Variants in DNAH6 observed in about 807,000 individuals in gnomAD.
DNAH6 encodes the protein axonemal beta dynein heavy chain 6.
In DNAH6, 340 loss-of-function variants were observed where a neutral mutation model predicts 491.4. The ratio of observed to expected loss-of-function variants is 0.69; its 90% CI spans 0.63 to 0.76. The LOEUF is 0.76. Ranked by LOEUF, DNAH6 falls within the 30% of genes least tolerant of loss-of-function variation. The pLI, the probability that DNAH6 is intolerant of heterozygous loss-of-function variation, is 0.00. For synonymous variants in DNAH6, 1,603 were observed against 1,686.1 expected (o/e 0.95, Z 1.21); for missense variants, 4,443 against 4,972.2 (o/e 0.89, Z 3.20).
At chr2:84,470,400 C>A in the DNAH6 span, among the ~76,000 whole-genome samples, 40 of 152,232 alleles carry the variant, frequency 2.6e-4, no homozygotes, top group Non-Finnish European at 4.9e-4. Flanking sequence ...ACAGAGCAGC[C>A]CTGAGAGCTG....
At chr2:84,720,432 C>G (rs1205037118) in intron 59 of DNAH6, among the ~76,000 whole-genome samples, 2 of 151,008 alleles carry the variant, frequency 1.3e-5, no homozygotes, top group Non-Finnish European at 3.0e-5. Context: ...GCGCCCGCCA[C>G]TACGCCCGGC....
At chr2:84,495,464 CTT>C in the DNAH6 span, among the ~76,000 whole-genome samples, 1 of 152,312 alleles carries the variant, frequency 6.6e-6, no homozygotes, top group East Asian at 1.9e-4. Flanking sequence ...CGTCCAGCCT[CTT>C]TGACCTTTTC....
chr2:84,506,330 T>A, the DNAH6 span, among the ~76,000 whole-genome samples: 1 of 151,792 alleles, frequency 6.6e-6, no homozygotes, highest in Admixed American at 6.6e-5. Context: ...ATGGTGAGCA[T>A]TTTTTCGTGT....
chr2:84,555,241 G>A (rs928491818), intron 10 of DNAH6, among the ~76,000 whole-genome samples: 14 of 151,968 alleles, frequency 9.2e-5, no homozygotes, highest in African/African-American at 2.4e-4. Flanking sequence ...GTTACCTATC[G>A]TTTCCTAATA....
chr2:84,485,163 A>G, the DNAH6 span, among the ~76,000 whole-genome samples: 1 of 152,200 alleles, frequency 6.6e-6, no homozygotes, highest in Non-Finnish European at 1.5e-5. Context: ...TTTTAAAACA[A>G]TAATGTGTTG....
At chr2:84,671,112 A>G (rs1301705853) in intron 39 of DNAH6, among the ~76,000 whole-genome samples, 1 of 152,164 alleles carries the variant, frequency 6.6e-6, no homozygotes, top group African/African-American at 2.4e-5. Context: ...AGGCTGGAGT[A>G]TGCAGGGAAT....
chr2:84,537,093 A>C (rs951542523), intron 4 of DNAH6, among the ~76,000 whole-genome samples: 14 of 151,990 alleles, frequency 9.2e-5, no homozygotes, highest in Non-Finnish European at 1.6e-4. Context: ...GTGCTAGAGG[A>C]TTGTAGAATG....
At chr2:84,731,295 T>C (rs922357929) in intron 61 of DNAH6, among the ~76,000 whole-genome samples, 24 of 152,226 alleles carry the variant, frequency 1.6e-4, no homozygotes, top group African/African-American at 5.5e-4. Context: ...TTTCTCATCC[T>C]GCCCACAGCT....
At chr2:84,656,178 A>C (rs1690951648) in intron 35 of DNAH6, among the ~76,000 whole-genome samples, 1 of 152,114 alleles carries the variant, frequency 6.6e-6, no homozygotes, top group Admixed American at 6.6e-5. Context: ...GTATGAATGT[A>C]CCACAGTTCA....
intron 11 of DNAH6, among the ~76,000 whole-genome samples, chr2:84,563,271 G>A (rs1012878465): frequency 2.0e-5 from 3 of 152,102 alleles, no homozygotes; most frequent in East Asian, 1.9e-4. Flanking sequence ...TGGGTCAAAT[G>A]GTAGCTCTGT....
chr2:84,786,442 A>G (rs1204440), intron 67 of DNAH6, among the ~76,000 whole-genome samples: 36,514 of 149,022 alleles, frequency 0.25, 5,190 homozygotes, highest in African/African-American at 0.4. Flanking sequence ...AAAAAAAAAA[A>G]AAAGAAAAGA....
intron 70 of DNAH6, among the ~76,000 whole-genome samples, chr2:84,802,225 A>G (rs779412549): frequency 3.5e-4 from 54 of 152,228 alleles, no homozygotes; most frequent in Non-Finnish European, 5.4e-4. Flanking sequence ...AACCTTGAAC[A>G]TAAATGACCT....
chr2:84,725,105 CA>C (rs1215940345), intron 60 of DNAH6, among the ~76,000 whole-genome samples: 1 of 152,178 alleles, frequency 6.6e-6, no homozygotes, highest in Non-Finnish European at 1.5e-5. Flanking sequence ...CCCATATCCC[CA>C]ATGGTGCTTA....
At chr2:84,586,975 T>G (rs1287191002) in intron 15 of DNAH6, among the ~76,000 whole-genome samples, 1 of 152,204 alleles carries the variant, frequency 6.6e-6, no homozygotes, top group Non-Finnish European at 1.5e-5. Context: ...TATTTTGGGT[T>G]CAGGGATACA....
chr2:84,464,652 A>G, the DNAH6 span, among the ~76,000 whole-genome samples: 11 of 152,172 alleles, frequency 7.2e-5, no homozygotes, highest in Non-Finnish European at 1.0e-4. Context: ...TTTTTAGACC[A>G]TATAGGGTAA....
chr2:84,794,018 T>C (rs899474128), intron 68 of DNAH6, among the ~76,000 whole-genome samples: 3 of 152,010 alleles, frequency 2.0e-5, no homozygotes, highest in Non-Finnish European at 4.4e-5. Context: ...TCAGAAATAA[T>C]GCCGCATATC....
intron 62 of DNAH6, among the ~76,000 whole-genome samples, chr2:84,736,930 G>C (rs1354194483): frequency 6.6e-6 from 1 of 152,040 alleles, no homozygotes; most frequent in Non-Finnish European, 1.5e-5. Context: ...AATGCTTCCA[G>C]CTATTGTCCT....
intron 51 of DNAH6, 99 bp from the exon 52 acceptor site, chr2:84,705,387 C>G: frequency 8.9e-7 from 1 of 1,126,130 alleles, no homozygotes; most frequent in Non-Finnish European, 1.2e-6. Flanking sequence ...AAATTATCCA[C>G]TTATTGGGAT....
At chr2:84,498,733 T>C in the DNAH6 span, among the ~76,000 whole-genome samples, 1 of 152,036 alleles carries the variant, frequency 6.6e-6, no homozygotes, top group East Asian at 1.9e-4. Flanking sequence ...TTTTTTTAAA[T>C]AGCACCACAG....
Sources: allele counts gnomAD v4.1 joint callset (sites outside exome capture counted in the v4.1 genomes callset), GRCh38; gene constraint gnomAD v4.1.1; transcripts MANE v1.5; gene names NCBI Gene and HGNC (gene_info 2026-07-23, HGNC 2026-07-21).